Variants in ZNF667 observed in about 807,000 individuals in gnomAD.
ZNF667 encodes zinc finger protein 667.
Under a neutral mutation model 31.8 loss-of-function variants are expected in ZNF667, and 13 were observed. The observed-to-expected ratio is 0.41, with a 90% CI of 0.27 to 0.65. The LOEUF is 0.65. Ranked by LOEUF, ZNF667 falls within the 30% of genes least tolerant of loss-of-function variation. The probability of loss-of-function intolerance (pLI) is 0.32; values close to 1 mark genes in which losing one functional copy is unlikely to be tolerated. For missense variants in ZNF667, 642 were observed against 725.6 expected (o/e 0.88, Z 1.32); for synonymous variants, 228 against 247.1 (o/e 0.92, Z 0.73).
rs2042573739 is a variant in ZNF667 at position 56,440,146 on chromosome 19, A to C, written c.*1016T>G. The C allele has an allele frequency of 6.6e-6, 1 of 152,190 alleles. No individual in the cohort carries two copies. The highest frequency in any genetic ancestry group is 6.5e-5 in the Admixed American group (1 of 15,282). The allele number at this position is 152,190 out of a possible 1,614,324, so 9.4% of individuals were successfully genotyped here. ...CATAACAACTCATATTACACCACTT[A>C]TTGCATACCAGTATTGTTACATGAA... On this transcript the variant is annotated 3_prime_UTR_variant, in exon 7 of 7. Transcript: ENST00000504904.
intron 2 of ZNF667, chr19:56,472,919 G>C (rs2043323852): frequency 6.6e-6 from 1 of 152,162 alleles, no homozygotes; most frequent in African/African-American, 2.4e-5. Context: ...CGAAGACTGA[G>C]ACCCACTAAA....
chr19:56,465,609 G>C (rs2043142461), intron 3 of ZNF667, among the ~76,000 whole-genome samples: 1 of 152,248 alleles, frequency 6.6e-6, no homozygotes. Flanking sequence ...AGCACAGAGA[G>C]GGAGGAATCA....
rs1399798577 is a variant in ZNF667, at chr19:56,442,026, ACTT to A, written c.966_968del (p.Arg322del). ...ATTTAAAAGGATTCTCTAAATGGTG[ACTT>A]CTTTGCTGTAGACTCTGACTTAAGG... is the stretch of plus-strand genomic sequence containing the variant. On this transcript the variant is annotated inframe_deletion, in exon 7 of 7. Transcript: ENST00000504904. The A allele has an allele frequency of 6.2e-7, 1 of 1,614,092 alleles. No homozygotes were observed. The highest frequency in any genetic ancestry group is 1.3e-5 in the African/African-American group (1 of 75,056).
intron 5 of ZNF667, among the ~76,000 whole-genome samples, chr19:56,459,812 G>C (rs1377046014): frequency 6.6e-6 from 1 of 151,982 alleles, no homozygotes; most frequent in African/African-American, 2.4e-5. Context: ...GCTAATACGG[G>C]GAAACCCCAT....
At position 56,453,605 on chromosome 19, in the gene ZNF667, G is replaced by A. The variant is rs116340774; in HGVS notation, c.253+4550C>T. 5.7e-3 allele frequency among the ~76,000 whole-genome samples: 869 copies of A among 152,204 alleles called. 4 individuals are homozygous for A. The highest frequency in any genetic ancestry group is 0.019 in the African/African-American group (806 of 41,512). ...AAAACATATGATCACTTCAGTTGAC[G>A]CTGAAAAGCATTTGATAAAATTTAA... On this transcript the variant is annotated intron_variant, in intron 6 of 6. Coordinates refer to ENST00000504904, the MANE Select transcript of ZNF667 (RefSeq NM_001321356.2).
Position 56,458,144 on chromosome 19 carries a change from C to T in ZNF667, c.253+11G>A. 2 of 1,613,464 alleles carry T rather than the reference C, an allele frequency of 1.2e-6. No individual in the cohort carries two copies. Among genetic ancestry groups the T allele is most frequent in the Non-Finnish European group, 8.5e-7 (1 of 1,179,344 alleles). Reference sequence around the variant, plus strand: ...AGACTGAGACATATGCCTTGGTTCTCTGTCACTCACCAGGAGCCCGGCGTC... The same window carrying T: ...AGACTGAGACATATGCCTTGGTTCTTTGTCACTCACCAGGAGCCCGGCGTC... On this transcript the variant is annotated intron_variant, in intron 6 of 6. Coordinates refer to ENST00000504904, the MANE Select transcript of ZNF667 (RefSeq NM_001321356.2).
chr19:56,467,007 C>G (rs1233792770), intron 3 of ZNF667: 1 of 456,570 alleles, frequency 2.2e-6, no homozygotes, highest in Non-Finnish European at 4.4e-6. Context: ...CCTTCCTGTG[C>G]AAGATCCAAG....
chr19:56,451,153 T>A (rs1600414340), intron 6 of ZNF667, among the ~76,000 whole-genome samples: 3 of 149,694 alleles, frequency 2.0e-5, no homozygotes, highest in East Asian at 4.0e-4. Context: ...CCCATGCAAA[T>A]GAAAACCAAA....
chr19:56,469,381 G>T (rs2043236643), intron 3 of ZNF667, among the ~76,000 whole-genome samples: 1 of 152,184 alleles, frequency 6.6e-6, no homozygotes, highest in Non-Finnish European at 1.5e-5. Flanking sequence ...ACTGAGGGTG[G>T]CAAGTGTTCC....
chr19:56,441,079 C>T lies in ZNF667; in HGVS notation c.*83G>A. The T allele has an allele frequency of 2.0e-6, 3 of 1,512,276 alleles. No individual in the cohort carries two copies. The highest frequency in any genetic ancestry group is 2.7e-5 in the South Asian group (2 of 74,352). The allele number at this position is 1,512,276 out of a possible 1,614,324, so 93.7% of individuals were successfully genotyped here. On this transcript the variant is annotated 3_prime_UTR_variant, in exon 7 of 7. Coordinates refer to ENST00000504904, the MANE Select transcript of ZNF667 (RefSeq NM_001321356.2). The surrounding 1 kb of genome is among the most constrained non-coding windows in gnomAD (Gnocchi z 4.2). Reference sequence around the variant, plus strand: ...ACATATCATCAAATGGTCCCATATACACAAAATTTACATTATAGACAAATA... The same window carrying T: ...ACATATCATCAAATGGTCCCATATATACAAAATTTACATTATAGACAAATA...
At chr19:56,472,370 C>T (rs747645277) in intron 2 of ZNF667, 183 bp from the exon 3 acceptor site, 2 of 152,226 alleles carry the variant, frequency 1.3e-5, no homozygotes, top group Non-Finnish European at 2.9e-5. Flanking sequence ...GTAACTGGAA[C>T]ATGGTCATTG....
intron 5 of ZNF667, among the ~76,000 whole-genome samples, chr19:56,459,955 G>A (rs2043010419): frequency 1.3e-5 from 2 of 151,866 alleles, no homozygotes; most frequent in African/African-American, 4.8e-5. Context: ...TTGCGCCACT[G>A]CACTCCAGCC....
intron 4 of ZNF667, 127 bp downstream of exon 4, chr19:56,462,211 G>GA: frequency 8.1e-7 from 1 of 1,238,148 alleles, no homozygotes; most frequent in Non-Finnish European, 1.2e-6. Context: ...GGCAACGGGA[G>GA]AAAACCAAAG....
chr19:56,475,558 C>T (rs1239228114), intron 1 of ZNF667: 1 of 152,154 alleles, frequency 6.6e-6, no homozygotes, highest in Admixed American at 6.5e-5. Context: ...CGGTGTGCTA[C>T]TGGCCTGGTA....
At chr19:56,467,252 G>A (rs2043182946) in intron 3 of ZNF667, among the ~76,000 whole-genome samples, 1 of 152,074 alleles carries the variant, frequency 6.6e-6, no homozygotes, top group Non-Finnish European at 1.5e-5. Context: ...CCAGAGTTAT[G>A]GCCACCCCCC....
chr19:56,441,705 A>C lies in ZNF667; in HGVS notation c.1290T>G (p.Leu430=), dbSNP rs761010954. ...CAGAATGAATATTCTGATGTATTTT[A>C]AGGTTTGCAGTTCCAGAAAACATCT... ...CGKMFSGTAN[L]KIHQNIHSEE... The change falls in exon 7 of 7, where the codon CTT becomes CTG. Residue 430 remains leucine, a synonymous_variant. Transcript: ENST00000504904. This position sits in a 1 kb window ranked among gnomAD's most constrained non-coding sequence, Gnocchi z 4.2. The C allele has an allele frequency of 8.7e-6, 14 of 1,614,130 alleles. No homozygotes were observed. The African/African-American group carries it at 1.7e-4, about 20-fold the overall frequency.
At chr19:56,476,771 C>G (rs2043418230) in intron 1 of ZNF667, 1 of 152,606 alleles carries the variant, frequency 6.6e-6, no homozygotes, top group African/African-American at 2.4e-5. Flanking sequence ...AACCGCAAAG[C>G]CACTGACGCT....
chr19:56,452,689 G>A (rs1384497696), intron 6 of ZNF667, among the ~76,000 whole-genome samples: 6 of 152,084 alleles, frequency 3.9e-5, no homozygotes, highest in Non-Finnish European at 5.9e-5. Flanking sequence ...GGAAGCCAAG[G>A]TGGGCGGATC....
intron 3 of ZNF667, chr19:56,467,772 A>G (rs1051795298): frequency 1.3e-5 from 2 of 152,274 alleles, no homozygotes; most frequent in Non-Finnish European, 2.9e-5. Flanking sequence ...CGAAGAATAC[A>G]GAGAAAGAAA....
Sources: gnomAD v4.1 joint callset for allele counts (sites outside exome capture counted in the v4.1 genomes callset) on GRCh38, gnomAD v4.1.1 for gene constraint, Gnocchi (gnomAD v3.1) non-coding constraint, MANE v1.5 for transcripts, NCBI Gene and HGNC (gene_info 2026-07-23, HGNC 2026-07-21) for gene names.